RYR3: variants seen among roughly 807,000 people sequenced by gnomAD.
RYR3 encodes ryanodine receptor 3.
Under a neutral mutation model 584.3 loss-of-function variants are expected in RYR3, and 207 were observed. The observed-to-expected ratio is 0.35, with a 90% CI of 0.32 to 0.40. The LOEUF (loss-of-function observed/expected upper bound fraction) is 0.40. Ranked by LOEUF, RYR3 falls within the 10% of genes least tolerant of loss-of-function variation. The pLI is 1.00. For synonymous variants in RYR3, 2,416 were observed against 2,248.5 expected, an observed-to-expected ratio of 1.07 and a Z score of -2.11; for missense variants, 5,616 against 6,089.2, an observed-to-expected ratio of 0.92 and a Z score of 2.59.
intron 65 of RYR3, among the ~76,000 whole-genome samples, chr15:33,783,595 CTA>C (rs561921030): frequency 3.9e-5 from 6 of 152,188 alleles, no homozygotes; most frequent in Non-Finnish European, 8.8e-5. Flanking sequence ...GATGTATTGT[CTA>C]TGTGACATTT....
In RYR3 at chr15:33,533,424, G is replaced by T. The variant is rs146768617; in HGVS notation, c.433+35G>T. The T allele has an allele frequency of 1.0e-4, 149 of 1,469,660 alleles. No homozygotes were observed. The African/African-American group carries it at 1.6e-3, about 16-fold the overall frequency. The allele number at this position is 1,469,660 out of a possible 1,614,324, so 91.0% of individuals were successfully genotyped here. A position where few individuals can be genotyped will look rare whatever the true frequency, so the allele number is the denominator to read the frequency against. ...CATTCCCAGATCTCTTGAGCTCAGC[G>T]GGGGTCTTGGGCTAAGGGGCTTTTG... On this transcript the variant is annotated intron_variant, in intron 5 of 103. Transcript: ENST00000634891.
chr15:33,422,717 C>T (rs184834257), intron 1 of RYR3, among the ~76,000 whole-genome samples: 1 of 152,258 alleles, frequency 6.6e-6, no homozygotes, highest in East Asian at 1.9e-4. Flanking sequence ...TTATAGATAG[C>T]AGAGGTAGTA....
At chr15:33,824,519 C>G (rs1019600784) in intron 81 of RYR3, among the ~76,000 whole-genome samples, 1 of 152,118 alleles carries the variant, frequency 6.6e-6, no homozygotes, top group African/African-American at 2.4e-5. Flanking sequence ...ACGGCTAAAC[C>G]AAAGTAGAAG....
At chr15:33,401,888 A>AT (rs2141381357) in intron 1 of RYR3, among the ~76,000 whole-genome samples, 1 of 152,306 alleles carries the variant, frequency 6.6e-6, no homozygotes, top group African/African-American at 2.4e-5. Flanking sequence ...GCAATGAGTG[A>AT]TTTTGTGTTT....
chr15:33,350,665 G>C (rs985168979), intron 1 of RYR3, among the ~76,000 whole-genome samples: 1 of 151,846 alleles, frequency 6.6e-6, no homozygotes, highest in African/African-American at 2.4e-5. Flanking sequence ...TGACTACTGG[G>C]TACATAACGA....
intron 3 of RYR3, among the ~76,000 whole-genome samples, chr15:33,524,175 T>G (rs2054226492): frequency 6.6e-6 from 1 of 152,224 alleles, no homozygotes; most frequent in African/African-American, 2.4e-5. Context: ...GTAATAGTGT[T>G]AAAGAAAATT....
At chr15:33,421,407 G>A (rs2044232689) in intron 1 of RYR3, among the ~76,000 whole-genome samples, 1 of 152,282 alleles carries the variant, frequency 6.6e-6, no homozygotes, top group East Asian at 1.9e-4. Context: ...CCAAGGCCTG[G>A]ACTAGGATAA....
chr15:33,860,690 C>G lies in RYR3; in HGVS notation c.14364+31C>G, dbSNP rs375864386. 8.3e-6 allele frequency: 12 copies of G among 1,438,344 alleles called. No homozygotes were observed. In the Admixed American group the frequency reaches 1.2e-4, roughly 14 times the overall value. 89.1% of individuals were successfully genotyped at this position (1,438,344 alleles called of 1,614,324 possible). A position where few individuals can be genotyped will look rare whatever the true frequency, so the allele number is the denominator to read the frequency against. On this transcript the variant is annotated intron_variant, in intron 101 of 103. Coordinates refer to ENST00000634891, the MANE Select transcript of RYR3 (RefSeq NM_001036.6). ...GTTACTCTAACTACTAATCCCAGCT[C>G]TATTTTAATATCCCCAGAAGCAAAT...
chr15:33,696,086 C>A, intron 38 of RYR3, 132 bp from the exon 39 acceptor site: 1 of 776,804 alleles, frequency 1.3e-6, no homozygotes, highest in Non-Finnish European at 2.0e-6. Flanking sequence ...TGAGCCACTG[C>A]ACATTGCCTA....
chr15:33,674,442 T>C (rs2064033967), intron 38 of RYR3, among the ~76,000 whole-genome samples: 1 of 152,228 alleles, frequency 6.6e-6, no homozygotes, highest in Admixed American at 6.5e-5. Context: ...AGTGTATGTA[T>C]GACTTTCCAC....
chr15:33,533,849 A>AT (rs1434993224), intron 5 of RYR3, among the ~76,000 whole-genome samples: 1 of 152,112 alleles, frequency 6.6e-6, no homozygotes, highest in Non-Finnish European at 1.5e-5. Flanking sequence ...TATAATCGTG[A>AT]TTTTGCCATT....
intron 11 of RYR3, among the ~76,000 whole-genome samples, chr15:33,564,500 C>T (rs1481021024): frequency 6.6e-6 from 1 of 152,136 alleles, no homozygotes; most frequent in African/African-American, 2.4e-5. Flanking sequence ...AAGAACAAAT[C>T]AAAAATAAAT....
intron 64 of RYR3, among the ~76,000 whole-genome samples, chr15:33,775,352 T>C (rs973854397): frequency 2.6e-5 from 4 of 152,180 alleles, no homozygotes; most frequent in African/African-American, 9.7e-5. Context: ...ATGTGTGTGC[T>C]TGTGTGTTTT....
At chr15:33,450,253 G>C (rs2047013028) in intron 1 of RYR3, among the ~76,000 whole-genome samples, 1 of 152,074 alleles carries the variant, frequency 6.6e-6, no homozygotes, top group Non-Finnish European at 1.5e-5. Flanking sequence ...GTTGTCCTTA[G>C]AGATAAAAAT....
chr15:33,583,190 A>C (rs571785906), intron 14 of RYR3, among the ~76,000 whole-genome samples: 16 of 152,272 alleles, frequency 1.1e-4, no homozygotes, highest in South Asian at 8.3e-4. Flanking sequence ...GTTTTTAACA[A>C]ATTCTTAGGT....
At chr15:33,511,775 C>G (rs2053033938) in intron 3 of RYR3, among the ~76,000 whole-genome samples, 1 of 152,104 alleles carries the variant, frequency 6.6e-6, no homozygotes, top group Non-Finnish European at 1.5e-5. Context: ...AAGTTGTTTT[C>G]TTTTTAATTT....
In RYR3 at chr15:33,354,647, T is replaced by C. The variant is rs909345648; in HGVS notation, c.51+43551T>C. Among the ~76,000 whole-genome samples the C allele has an allele frequency of 2.6e-5, 4 of 152,286 alleles. No individual in the cohort carries two copies. The East Asian group carries it at 5.8e-4, about 22-fold the overall frequency. On this transcript the variant is annotated intron_variant, in intron 1 of 103. Coordinates refer to ENST00000634891, the MANE Select transcript of RYR3 (RefSeq NM_001036.6). ...TCAGCTTTCTGTGCTTGGTGGGAAG[T>C]TGTGGTGTGGGAGTAGTTTCTCACT...
At chr15:33,599,095 C>T (rs555337177) in intron 16 of RYR3, among the ~76,000 whole-genome samples, 1 of 151,978 alleles carries the variant, frequency 6.6e-6, no homozygotes, top group Non-Finnish European at 1.5e-5. Flanking sequence ...GACTTTAGAT[C>T]TCAACCTGAA....
At chr15:33,620,615 C>A (rs1387419038) in intron 19 of RYR3, among the ~76,000 whole-genome samples, 1 of 152,202 alleles carries the variant, frequency 6.6e-6, no homozygotes, top group Non-Finnish European at 1.5e-5. Context: ...TATTTTGTTA[C>A]CTTCTTTCAG....
Sources: gnomAD v4.1 joint callset for allele counts (sites outside exome capture counted in the v4.1 genomes callset) on GRCh38, gnomAD v4.1.1 for gene constraint, MANE v1.5 for transcripts, NCBI Gene and HGNC (gene_info 2026-07-23, HGNC 2026-07-21) for gene names.